ENPP3: variants seen among roughly 807,000 people sequenced by gnomAD.
ENPP3 encodes ectonucleotide pyrophosphatase/phosphodiesterase family member 3.
In ENPP3, 104 loss-of-function variants were observed where a neutral mutation model predicts 117.8. That is an observed-to-expected ratio of 0.88 (90% confidence interval 0.75 to 1.04). The LOEUF (loss-of-function observed/expected upper bound fraction) is 1.04, where lower values mean the gene tolerates loss of function less well. Among genes scored for constraint, ENPP3 ranks in the 50% least tolerant of loss-of-function variants. ENPP3 has a pLI of 0.00. For synonymous variants in ENPP3, 380 were observed against 349.9 expected (o/e 1.09, Z -0.96); for missense variants, 1,026 against 1,051.9 (o/e 0.98, Z 0.34).
At chr6:131,740,140 G>T in intron 23 of ENPP3, 84 bp from the exon 24 acceptor site, 3 of 1,034,904 alleles carry the variant, frequency 2.9e-6, no homozygotes, top group Non-Finnish European at 3.9e-6. Context: ...ACATGTATAT[G>T]AAAAAAACTA....
chr6:131,681,102 A>T (rs1779014504), intron 11 of ENPP3, among the ~76,000 whole-genome samples: 1 of 152,208 alleles, frequency 6.6e-6, no homozygotes, highest in Non-Finnish European at 1.5e-5. Context: ...TCATGACAAC[A>T]GGTGGAAACA....
chr6:131,681,749 A>C (rs1283855055), intron 11 of ENPP3, among the ~76,000 whole-genome samples: 1 of 152,258 alleles, frequency 6.6e-6, no homozygotes, highest in Non-Finnish European at 1.5e-5. Flanking sequence ...AATATATTTC[A>C]AAACAAAATC....
At chr6:131,654,109 TTTATTA>T (rs35379106) in intron 5 of ENPP3, among the ~76,000 whole-genome samples, 24,245 of 143,186 alleles carry the variant, frequency 0.17, 2,607 homozygotes, top group Non-Finnish European at 0.24. Context: ...AAATTTAAGT[TTTATTA>T]TTATTATTAT....
At chr6:131,690,398 A>G (rs1466455195) in intron 14 of ENPP3, among the ~76,000 whole-genome samples, 2 of 152,240 alleles carry the variant, frequency 1.3e-5, no homozygotes, top group Non-Finnish European at 2.9e-5. Context: ...AAGGCCCTCT[A>G]CGATCAAAAA....
chr6:131,693,809 A>G (rs1779343837), intron 15 of ENPP3, among the ~76,000 whole-genome samples, 185 bp downstream of exon 15: 1 of 152,166 alleles, frequency 6.6e-6, no homozygotes, highest in Non-Finnish European at 1.5e-5. Context: ...TGCTGATTTT[A>G]GCATCCTTAT....
intron 15 of ENPP3, among the ~76,000 whole-genome samples, chr6:131,696,452 G>T (rs566694212): frequency 6.6e-6 from 1 of 152,226 alleles, no homozygotes; most frequent in Non-Finnish European, 1.5e-5. Context: ...CCTGGTAGGG[G>T]TGGTTGCTGA....
chr6:131,732,049 G>A (rs1242095124), intron 20 of ENPP3, among the ~76,000 whole-genome samples: 2 of 152,284 alleles, frequency 1.3e-5, no homozygotes, highest in Middle Eastern at 3.4e-3. Context: ...TACAGTGTAT[G>A]TTGCCTCTTC....
chr6:131,661,977 C>G (rs1460629221), intron 6 of ENPP3, among the ~76,000 whole-genome samples: 1 of 152,112 alleles, frequency 6.6e-6, no homozygotes, highest in African/African-American at 2.4e-5. Context: ...TTGCCAAGAC[C>G]AATGTCATGC....
intron 15 of ENPP3, among the ~76,000 whole-genome samples, chr6:131,716,184 G>T (rs1779884717): frequency 6.6e-6 from 1 of 152,172 alleles, no homozygotes; most frequent in Admixed American, 6.5e-5. Context: ...TTTCATATGG[G>T]ACTTGGAAGT....
chr6:131,744,749 T>C (rs1481003631), intron 24 of ENPP3, among the ~76,000 whole-genome samples: 1 of 151,684 alleles, frequency 6.6e-6, no homozygotes, highest in Non-Finnish European at 1.5e-5. Context: ...CCTCAAAAAA[T>C]GAGTTGTATT....
Position 131,677,941 on chromosome 6 carries a change from G to A in ENPP3, c.1011+1G>A, listed in dbSNP as rs140755651. The A allele has an allele frequency of 3.5e-5, 56 of 1,581,056 alleles. No homozygotes were observed. The highest frequency in any genetic ancestry group is 4.5e-5 in the Non-Finnish European group (52 of 1,154,420). On this transcript the variant is annotated splice_donor_variant, in intron 11 of 24. Coordinates refer to ENST00000357639, the MANE Select transcript of ENPP3 (RefSeq NM_005021.5). LOFTEE classifies it high-confidence loss of function. ...TGCAGGTGGACCAGTCAGTGCCAGA[G>A]TAAGTTGTTGTTTTCTTAAAAGAAA... is the stretch of plus-strand genomic sequence containing the variant.
At chr6:131,664,612 C>T (rs976702490) in intron 6 of ENPP3, among the ~76,000 whole-genome samples, 42 of 152,180 alleles carry the variant, frequency 2.8e-4, no homozygotes, top group Admixed American at 1.4e-3. Flanking sequence ...CACTGACTTA[C>T]TCAGAGCAAC....
intron 11 of ENPP3, 52 bp from the exon 12 acceptor site, chr6:131,683,002 G>A: frequency 9.4e-6 from 10 of 1,067,970 alleles, no homozygotes; most frequent in Non-Finnish European, 1.3e-5. Context: ...ATAACGGTTT[G>A]GCTAATTAAG....
At chr6:131,640,071 G>A (rs1244492512) in intron 1 of ENPP3, among the ~76,000 whole-genome samples, 1 of 152,152 alleles carries the variant, frequency 6.6e-6, no homozygotes, top group Non-Finnish European at 1.5e-5. Context: ...AAATTATGAA[G>A]AAACAGATTC....
At chr6:131,685,616 C>A in intron 13 of ENPP3, 121 bp downstream of exon 13, 1 of 932,046 alleles carries the variant, frequency 1.1e-6, no homozygotes, top group Non-Finnish European at 1.6e-6. Context: ...GAGAAGACCA[C>A]AGAGAAACAA....
At chr6:131,679,084 T>C (rs1778963556) in intron 11 of ENPP3, among the ~76,000 whole-genome samples, 2 of 134,846 alleles carry the variant, frequency 1.5e-5, no homozygotes, top group African/African-American at 6.2e-5. Context: ...TTTCTTTCTT[T>C]CTTTTCTTCT....
At chr6:131,677,418 A>G (rs1430615828) in intron 10 of ENPP3, among the ~76,000 whole-genome samples, 1 of 152,052 alleles carries the variant, frequency 6.6e-6, no homozygotes, top group African/African-American at 2.4e-5. Flanking sequence ...ATAAGGATAG[A>G]CTCCAAGAGC....
chr6:131,736,956 C>G (rs966371239), intron 21 of ENPP3, among the ~76,000 whole-genome samples: 4 of 152,128 alleles, frequency 2.6e-5, no homozygotes, highest in African/African-American at 9.7e-5. Context: ...AAACCTCTGC[C>G]TCCATCTTCA....
intron 19 of ENPP3, among the ~76,000 whole-genome samples, chr6:131,725,120 G>A (rs537602825): frequency 3.3e-5 from 5 of 152,112 alleles, no homozygotes; most frequent in South Asian, 4.2e-4. Context: ...TTACTCAGGA[G>A]GAGGCTGAGG....
Sources: gnomAD v4.1 joint callset for allele counts (sites outside exome capture counted in the v4.1 genomes callset) on GRCh38, gnomAD v4.1.1 for gene constraint, MANE v1.5 for transcripts, NCBI Gene and HGNC (gene_info 2026-07-23, HGNC 2026-07-21) for gene names.